ALDH1L1: variants seen among roughly 807,000 people sequenced by gnomAD.
The protein encoded by ALDH1L1 is cytosolic 10-formyltetrahydrofolate dehydrogenase.
ALDH1L1 carries 68 observed loss-of-function variants against 101.1 expected under a neutral mutation model. That is an observed-to-expected ratio of 0.67 (90% CI 0.55 to 0.82). The LOEUF is 0.82. ALDH1L1 is among the 40% of genes least tolerant of loss of function. ALDH1L1 has a pLI of 0.00. For missense variants in ALDH1L1, 1,087 were observed against 1,172.7 expected, an observed-to-expected ratio of 0.93 and a Z score of 1.07; for synonymous variants, 486 against 470.8, an observed-to-expected ratio of 1.03 and a Z score of -0.42.
chr3:126,175,685 T>G (rs894272222), intron 1 of ALDH1L1, among the ~76,000 whole-genome samples: 2 of 152,164 alleles, frequency 1.3e-5, no homozygotes, highest in Non-Finnish European at 2.9e-5. Flanking sequence ...TAGTAATAAA[T>G]GGGAACTTAA....
At chr3:126,130,195 C>T (rs766184897) in intron 14 of ALDH1L1, 28 bp downstream of exon 14, 4 of 1,588,380 alleles carry the variant, frequency 2.5e-6, no homozygotes, top group Admixed American at 1.8e-5. Context: ...CACCGCGAGG[C>T]TGCACCTCGC....
intron 1 of ALDH1L1, among the ~76,000 whole-genome samples, chr3:126,165,322 G>C (rs2081144116): frequency 6.6e-6 from 1 of 152,118 alleles, no homozygotes; most frequent in Admixed American, 6.5e-5. Flanking sequence ...GATTTGGTTT[G>C]CTAGTATTTT....
intron 12 of ALDH1L1, chr3:126,135,292 G>A (rs2080407626): frequency 5.1e-6 from 2 of 392,708 alleles, no homozygotes; most frequent in East Asian, 6.5e-5. Context: ...CCTCCACCAG[G>A]CACCTCCCCT....
intron 20 of ALDH1L1, among the ~76,000 whole-genome samples, chr3:126,108,360 C>T (rs1209808517): frequency 2.6e-5 from 4 of 152,242 alleles, no homozygotes; most frequent in Admixed American, 2.6e-4. Context: ...ATACCCCCTC[C>T]AGGGCGGGGT....
At chr3:126,148,175 G>A (rs1404847752) in intron 8 of ALDH1L1, among the ~76,000 whole-genome samples, 1 of 152,172 alleles carries the variant, frequency 6.6e-6, no homozygotes, top group African/African-American at 2.4e-5. Flanking sequence ...TGGTCACTGA[G>A]TGCACCACAA....
chr3:126,180,797 T>C, upstream of ALDH1L1: 1 of 1,504,010 alleles, frequency 6.6e-7, no homozygotes, highest in Non-Finnish European at 8.8e-7. Flanking sequence ...CAAGAAGACT[T>C]ACTGTGGACC....
chr3:126,126,105 A>T (rs1209962620), intron 14 of ALDH1L1, among the ~76,000 whole-genome samples: 1 of 152,102 alleles, frequency 6.6e-6, no homozygotes, highest in African/African-American at 2.4e-5. Context: ...GAGGGCCTGG[A>T]GAGGGTCCTC....
chr3:126,166,718 A>G (rs16837189), intron 1 of ALDH1L1, among the ~76,000 whole-genome samples: 26,964 of 152,126 alleles, frequency 0.18, 2,953 homozygotes, highest in Middle Eastern at 0.29. Flanking sequence ...TAAGTAAATC[A>G]TTCACTCATA....
At position 126,125,737 on chromosome 3, in the gene ALDH1L1, G is replaced by A; in HGVS notation, c.1695-16C>T. On this transcript the variant is annotated splice_polypyrimidine_tract_variant and intron_variant, in intron 14 of 22. Transcript: ENST00000393434. ...GCCACAAACCCTGCCACACAAAAGA[G>A]GTTGGCCTTTGTCCTTCTTCTCCAC... 6.6e-7 allele frequency: 1 copy of A among 1,512,292 alleles called. No homozygotes were observed. The highest frequency in any genetic ancestry group is 8.9e-7 in the Non-Finnish European group (1 of 1,121,560). 93.7% of individuals were successfully genotyped at this position (1,512,292 alleles called of 1,614,324 possible). A position where few individuals can be genotyped will look rare whatever the true frequency, so the allele number is the denominator to read the frequency against.
chr3:126,131,381 C>T lies in ALDH1L1; in HGVS notation c.1623+3G>A. The T allele has an allele frequency of 6.3e-7, 1 of 1,594,602 alleles. No homozygotes were observed. Among genetic ancestry groups the T allele is most frequent in the Non-Finnish European group, 8.6e-7 (1 of 1,164,692 alleles). On this transcript the variant is annotated splice_donor_region_variant and intron_variant, in intron 13 of 22. Transcript: ENST00000393434. Reference sequence around the variant, plus strand: ...TCACACTGGGTGGGAGCCTGGGCCCCACCTGGATCTTGTCACACCAGCCAG... The same window carrying T: ...TCACACTGGGTGGGAGCCTGGGCCCTACCTGGATCTTGTCACACCAGCCAG...
chr3:126,170,127 C>T (rs962810624), intron 1 of ALDH1L1, among the ~76,000 whole-genome samples: 32 of 152,088 alleles, frequency 2.1e-4, no homozygotes, highest in African/African-American at 7.2e-4. Flanking sequence ...AAAAATTGCT[C>T]ATCTTACTCA....
At position 126,112,827 on chromosome 3, in the gene ALDH1L1, T is replaced by C. The variant is rs1576414046; in HGVS notation, c.2136A>G (p.Arg712=). Residue 712 remains arginine, a synonymous_variant, in exon 19 of 23, where the codon CGA becomes CGG. Coordinates refer to ENST00000393434, the MANE Select transcript of ALDH1L1 (RefSeq NM_012190.4). ...NKGENCIAAG[R]LFVEDSIHDE... ...CATGAATGGAGTCCTCCACAAAGAG[T>C]CGGCCTGCTGCAATGCAATTCTCTC... 1 of 1,613,428 alleles carries C rather than the reference T, an allele frequency of 6.2e-7. No homozygotes were observed.
chr3:126,189,594 CT>C (rs1167415558), intron 1 of ALDH1L1, among the ~76,000 whole-genome samples: 2 of 152,188 alleles, frequency 1.3e-5, no homozygotes, highest in Non-Finnish European at 2.9e-5. Flanking sequence ...TCTTTGATGT[CT>C]TTTCCAGAAG....
At chr3:126,163,168 T>C (rs894200960) in intron 1 of ALDH1L1, among the ~76,000 whole-genome samples, 1 of 152,228 alleles carries the variant, frequency 6.6e-6, no homozygotes, top group Non-Finnish European at 1.5e-5. Context: ...CATCTTTTCA[T>C]GTGCTTTTTG....
chr3:126,137,672 G>A (rs945799698), intron 10 of ALDH1L1, 141 bp downstream of exon 10: 12 of 1,203,420 alleles, frequency 1.0e-5, no homozygotes, highest in Non-Finnish European at 1.4e-5. Flanking sequence ...CGGGTGCAGG[G>A]AGAGTGTGGG....
At chr3:126,106,997 G>T in intron 21 of ALDH1L1, 144 bp downstream of exon 21, 1 of 693,158 alleles carries the variant, frequency 1.4e-6, no homozygotes, top group Non-Finnish European at 2.5e-6. Context: ...CTCAGCAGGC[G>T]GCACAAGCGG....
rs556917905 is a variant in ALDH1L1 at position 126,135,914 on chromosome 3, C to T, written c.1345-252G>A. Reference sequence around the variant, plus strand: ...CCACCCTGTTCCTGCCCTGAGTGTGCCATCCGTGCAGGCTCCCTCACCTTG... The same window carrying T: ...CCACCCTGTTCCTGCCCTGAGTGTGTCATCCGTGCAGGCTCCCTCACCTTG... On this transcript the variant is annotated intron_variant, in intron 11 of 22. Coordinates refer to ENST00000393434, the MANE Select transcript of ALDH1L1 (RefSeq NM_012190.4). 3.3e-3 allele frequency among the ~76,000 whole-genome samples: 503 copies of T among 152,290 alleles called. 4 individuals carry two copies. The highest frequency in any genetic ancestry group is 0.014 in the Middle Eastern group (4 of 294).
intron 1 of ALDH1L1, among the ~76,000 whole-genome samples, chr3:126,171,095 A>G (rs147639189): frequency 0.049 from 7,525 of 152,180 alleles, 601 homozygotes; most frequent in African/African-American, 0.17. Flanking sequence ...TAAGGAGATC[A>G]AGACCATCCT....
chr3:126,176,608 A>G (rs1383002707), intron 1 of ALDH1L1, among the ~76,000 whole-genome samples: 2 of 152,164 alleles, frequency 1.3e-5, no homozygotes, highest in Non-Finnish European at 2.9e-5. Flanking sequence ...AATCACACAA[A>G]TATCTGTACA....
Sources: gnomAD v4.1 joint callset for allele counts (sites outside exome capture counted in the v4.1 genomes callset) on GRCh38, gnomAD v4.1.1 for gene constraint, MANE v1.5 for transcripts, NCBI Gene and HGNC (gene_info 2026-07-23, HGNC 2026-07-21) for gene names.